Variants in ESRRG observed in about 807,000 individuals in gnomAD.
ESRRG encodes the protein estrogen related receptor gamma.
A neutral mutation model predicts 44.0 loss-of-function variants in ESRRG; 13 were observed. The ratio of observed to expected loss-of-function variants is 0.30; its 90% CI spans 0.19 to 0.47. ESRRG has a LOEUF of 0.47. ESRRG is among the 20% of genes least tolerant of loss of function. The probability of loss-of-function intolerance (pLI) is 1.00; values close to 1 mark genes in which losing one functional copy is unlikely to be tolerated. For missense variants in ESRRG, 395 were observed against 580.6 expected (o/e 0.68, Z 3.29); for synonymous variants, 215 against 214.6 (o/e 1.00, Z -0.02).
At chr1:216,909,144 G>C (rs538472563) in intron 2 of ESRRG, among the ~76,000 whole-genome samples, 1 of 152,174 alleles carries the variant, frequency 6.6e-6, no homozygotes, top group African/African-American at 2.4e-5. Flanking sequence ...GTGTGACTTT[G>C]TTGAGCCTTA....
At chr1:216,607,908 C>T (rs983824322) in intron 3 of ESRRG, among the ~76,000 whole-genome samples, 5 of 152,240 alleles carry the variant, frequency 3.3e-5, no homozygotes, top group Non-Finnish European at 5.9e-5. Context: ...TATAATTAAA[C>T]GTCCCAAAGC....
intron 1 of ESRRG, among the ~76,000 whole-genome samples, chr1:217,067,176 G>A (rs1159978679): frequency 6.6e-6 from 1 of 152,192 alleles, no homozygotes; most frequent in Non-Finnish European, 1.5e-5. Flanking sequence ...AGATCCATAA[G>A]AATTGATCCT....
chr1:216,677,214 G>T lies in ESRRG; in HGVS notation c.334C>A (p.Pro112Thr), dbSNP rs2076249793. The change falls in exon 2 of 7, where the codon CCC (proline) becomes ACC (threonine). Residue 112 changes from proline (P) to threonine (T), a missense_variant. Physicochemically the swap from Pro to Thr is conservative, Grantham distance 38. Coordinates refer to ENST00000408911, the MANE Select transcript of ESRRG (RefSeq NM_001438.4). ...DDCSSTIVED[P>T]QTKCEYMLNS... Reference sequence around the variant, plus strand: ...AGCATGTATTCACACTTGGTCTGGGGATCTTCAACAATGGTGCTGGAGCAG... The same window carrying T: ...AGCATGTATTCACACTTGGTCTGGGTATCTTCAACAATGGTGCTGGAGCAG... The T allele has an allele frequency of 1.2e-6, 2 of 1,614,006 alleles. No homozygotes were observed. Among genetic ancestry groups the T allele is most frequent in the Non-Finnish European group, 1.7e-6 (2 of 1,180,030 alleles).
intron 1 of ESRRG, among the ~76,000 whole-genome samples, chr1:217,047,216 T>G (rs2085054099): frequency 6.6e-6 from 1 of 152,178 alleles, no homozygotes; most frequent in Non-Finnish European, 1.5e-5. Context: ...ATAATGTGAT[T>G]TCCTAAAGAA....
intron 1 of ESRRG, among the ~76,000 whole-genome samples, chr1:217,004,071 A>G (rs1345195573): frequency 6.6e-6 from 1 of 152,196 alleles, no homozygotes. Flanking sequence ...TGATCCCAAT[A>G]TCTACAATAT....
Position 216,507,028 on chromosome 1 carries a change from T to G in ESRRG, c.1288A>C (p.Lys430Gln). 2 of 1,614,106 alleles carry G rather than the reference T, an allele frequency of 1.2e-6. No individual in the cohort carries two copies. Among genetic ancestry groups the G allele is most frequent in the Non-Finnish European group, 1.7e-6 (2 of 1,180,004 alleles). Reference protein sequence around the residue: ...TLPLLRQTSTKAVQHFYNIKL... With the variant: ...TLPLLRQTSTQAVQHFYNIKL... ...ATGTTGTAGAAATGCTGCACGGCCT[T>G]GGTAGAGGTCTGCCTCAGGAGTGGC... is the stretch of plus-strand genomic sequence containing the variant. The change falls in exon 7 of 7, where the codon AAG becomes CAG. Residue 430 changes from lysine (K) to glutamine (Q), a missense_variant. By Grantham distance (53) the Lys-to-Gln change is moderately conservative (BLOSUM62 1). Coordinates refer to ENST00000408911, the MANE Select transcript of ESRRG (RefSeq NM_001438.4).
At chr1:216,837,395 A>G (rs1348095277) in intron 2 of ESRRG, among the ~76,000 whole-genome samples, 1 of 138,654 alleles carries the variant, frequency 7.2e-6, no homozygotes, top group Non-Finnish European at 1.5e-5. Context: ...TGGGCAACAC[A>G]GCAAGACTCC....
chr1:217,037,568 A>C (rs1473359656), intron 1 of ESRRG, among the ~76,000 whole-genome samples: 3 of 152,110 alleles, frequency 2.0e-5, no homozygotes, highest in Non-Finnish European at 2.9e-5. Flanking sequence ...GAGCCACAAG[A>C]TGAGATTTGG....
intron 1 of ESRRG, among the ~76,000 whole-genome samples, chr1:217,131,937 AAGG>A (rs1423916052): frequency 2.0e-5 from 3 of 152,136 alleles, no homozygotes; most frequent in Non-Finnish European, 4.4e-5. Flanking sequence ...AAAATCCTGG[AAGG>A]AGACTATACT....
chr1:216,736,036 G>T (rs1174662590), intron 2 of ESRRG, among the ~76,000 whole-genome samples: 3 of 149,378 alleles, frequency 2.0e-5, no homozygotes, highest in Non-Finnish European at 3.0e-5. Flanking sequence ...GCTTTCCTGG[G>T]TCACTATACT....
At chr1:216,533,935 G>A (rs990091176) in intron 5 of ESRRG, among the ~76,000 whole-genome samples, 8 of 152,208 alleles carry the variant, frequency 5.3e-5, no homozygotes, top group African/African-American at 1.9e-4. Context: ...CTGATGGCTC[G>A]TAATTCATCC....
At chr1:216,675,377 G>A (rs1286152463) in intron 2 of ESRRG, among the ~76,000 whole-genome samples, 7 of 151,842 alleles carry the variant, frequency 4.6e-5, no homozygotes. Context: ...AAAAAAAAAA[G>A]GGGGAGAAGG....
At chr1:216,771,318 C>T (rs555800210) in intron 2 of ESRRG, among the ~76,000 whole-genome samples, 1 of 152,080 alleles carries the variant, frequency 6.6e-6, no homozygotes, top group Non-Finnish European at 1.5e-5. Flanking sequence ...ATGCTTATAA[C>T]AGTATGTAAA....
chr1:216,944,934 C>G (rs918771729), intron 1 of ESRRG, among the ~76,000 whole-genome samples: 2 of 152,108 alleles, frequency 1.3e-5, no homozygotes, highest in Non-Finnish European at 2.9e-5. Flanking sequence ...GAATAACACA[C>G]TGCAAATTTA....
At chr1:216,994,385 G>A (rs1366207368) in intron 1 of ESRRG, among the ~76,000 whole-genome samples, 1 of 152,140 alleles carries the variant, frequency 6.6e-6, no homozygotes, top group Non-Finnish European at 1.5e-5. Context: ...CAGTGATGGG[G>A]CACCCGGAAG....
intron 1 of ESRRG, among the ~76,000 whole-genome samples, chr1:217,125,480 T>C: frequency 6.6e-6 from 1 of 152,216 alleles, no homozygotes; most frequent in East Asian, 1.9e-4. Context: ...GTTGACATCT[T>C]CCCTCCATAG....
intron 2 of ESRRG, among the ~76,000 whole-genome samples, chr1:216,931,458 T>C (rs2063329533): frequency 6.6e-6 from 1 of 152,136 alleles, no homozygotes; most frequent in Non-Finnish European, 1.5e-5. Context: ...ATGGACTCTG[T>C]CTTCCCAAAG....
upstream of ESRRG, among the ~76,000 whole-genome samples, chr1:217,093,562 C>T (rs921475811): frequency 2.2e-4 from 34 of 152,014 alleles, no homozygotes; most frequent in Non-Finnish European, 3.8e-4. Context: ...GCGGGAGGAT[C>T]GCTTCAACCC....
At chr1:216,902,176 C>T (rs1393960551) in intron 2 of ESRRG, among the ~76,000 whole-genome samples, 2 of 152,202 alleles carry the variant, frequency 1.3e-5, no homozygotes, top group African/African-American at 4.8e-5. Flanking sequence ...GTATGGCAGT[C>T]CAGGTGGTTC....
Sources: allele counts gnomAD v4.1 joint callset (sites outside exome capture counted in the v4.1 genomes callset), GRCh38; gene constraint gnomAD v4.1.1; transcripts MANE v1.5; gene names NCBI Gene and HGNC (gene_info 2026-07-23, HGNC 2026-07-21).